PTPRM: variants seen among roughly 807,000 people sequenced by gnomAD.
The protein encoded by PTPRM is receptor-type tyrosine-protein phosphatase mu.
In PTPRM, 47 loss-of-function variants were observed where a neutral mutation model predicts 186.7. The observed-to-expected ratio is 0.25, with a 90% CI of 0.20 to 0.32. PTPRM has a LOEUF of 0.32. Among genes scored for constraint, PTPRM ranks in the 10% least tolerant of loss-of-function variants. The probability of loss-of-function intolerance (pLI) is 1.00; values close to 1 mark genes in which losing one functional copy is unlikely to be tolerated. For missense variants in PTPRM, 1,494 were observed against 1,865.0 expected, an observed-to-expected ratio of 0.80 and a Z score of 3.66; for synonymous variants, 668 against 674.9, an observed-to-expected ratio of 0.99 and a Z score of 0.16.
intron 14 of PTPRM, among the ~76,000 whole-genome samples, chr18:8,219,391 C>T (rs547446592): frequency 6.6e-6 from 1 of 151,846 alleles, no homozygotes; most frequent in Non-Finnish European, 1.5e-5. Context: ...GGCGTGAACC[C>T]AGGAGGCAGA....
chr18:8,374,487 G>A (rs781681706), intron 24 of PTPRM, among the ~76,000 whole-genome samples: 1 of 152,180 alleles, frequency 6.6e-6, no homozygotes, highest in Non-Finnish European at 1.5e-5. Context: ...AAAGCTGGGG[G>A]AGCTTTCTAG....
intron 2 of PTPRM, among the ~76,000 whole-genome samples, chr18:7,854,592 T>G (rs1446845701): frequency 2.6e-5 from 4 of 152,242 alleles, no homozygotes; most frequent in African/African-American, 9.6e-5. Context: ...AACCTTAAAA[T>G]ACTATTTAAA....
intron 10 of PTPRM, among the ~76,000 whole-genome samples, chr18:8,086,162 A>G (rs541295920): frequency 3.3e-5 from 5 of 152,250 alleles, no homozygotes; most frequent in East Asian, 1.9e-4. Context: ...CCCCTTGTCA[A>G]TCCCAAGTTG....
At chr18:7,661,843 T>G (rs1055809010) in intron 1 of PTPRM, among the ~76,000 whole-genome samples, 6 of 152,212 alleles carry the variant, frequency 3.9e-5, no homozygotes, top group South Asian at 2.1e-4. Context: ...AAGACTGCAG[T>G]AAGCCTGAAT....
intron 22 of PTPRM, among the ~76,000 whole-genome samples, chr18:8,330,765 G>T (rs2095407990): frequency 6.6e-6 from 1 of 151,784 alleles, no homozygotes. Flanking sequence ...CGACACTGAT[G>T]AATGCTCTGT....
At chr18:7,900,254 A>G (rs970505484) in intron 3 of PTPRM, among the ~76,000 whole-genome samples, 4 of 152,252 alleles carry the variant, frequency 2.6e-5, no homozygotes, top group Non-Finnish European at 5.9e-5. Flanking sequence ...CTTTGTTCCA[A>G]TAAAACTTTA....
intron 23 of PTPRM, among the ~76,000 whole-genome samples, chr18:8,345,176 A>G (rs1186207851): frequency 6.6e-6 from 1 of 152,240 alleles, no homozygotes; most frequent in African/African-American, 2.4e-5. Flanking sequence ...ATTAGAAAAG[A>G]AGAAATACCA....
intron 1 of PTPRM, among the ~76,000 whole-genome samples, chr18:7,626,864 T>A (rs938311683): frequency 2.6e-5 from 4 of 152,166 alleles, no homozygotes; most frequent in Non-Finnish European, 4.4e-5. Flanking sequence ...GTAAACATTT[T>A]AAAAATTTAA....
chr18:7,715,903 G>A (rs2040318678), intron 1 of PTPRM, among the ~76,000 whole-genome samples: 1 of 152,188 alleles, frequency 6.6e-6, no homozygotes. Flanking sequence ...TGGATAAGAA[G>A]AAGAACCAAT....
chr18:7,873,234 A>G (rs1441155898), intron 2 of PTPRM, among the ~76,000 whole-genome samples: 14 of 152,296 alleles, frequency 9.2e-5, no homozygotes, highest in Non-Finnish European at 1.8e-4. Context: ...TTTACTTTTT[A>G]AGACTTATAA....
At chr18:7,671,283 C>G (rs1258137054) in intron 1 of PTPRM, among the ~76,000 whole-genome samples, 1 of 152,146 alleles carries the variant, frequency 6.6e-6, no homozygotes, top group Non-Finnish European at 1.5e-5. Flanking sequence ...TTTAAAAATG[C>G]TTGACGGAAT....
At chr18:7,813,279 G>T (rs529465991) in intron 2 of PTPRM, among the ~76,000 whole-genome samples, 1 of 152,200 alleles carries the variant, frequency 6.6e-6, no homozygotes, top group Admixed American at 6.5e-5. Context: ...GTAGATTAAC[G>T]TTAGTGTGTT....
intron 1 of PTPRM, among the ~76,000 whole-genome samples, chr18:7,647,976 T>C (rs2038604596): frequency 1.3e-5 from 2 of 152,216 alleles, no homozygotes; most frequent in Non-Finnish European, 2.9e-5. Flanking sequence ...TTCATAGATA[T>C]ACTTTTTTAC....
chr18:8,398,769 C>CAA (rs199873195), intron 32 of PTPRM, among the ~76,000 whole-genome samples: 3,342 of 83,952 alleles, frequency 0.04, 65 homozygotes, highest in African/African-American at 0.058. Context: ...GACTCCTTCT[C>CAA]AAAAAAAAAA....
chr18:8,225,140 C>G (rs1162552878), intron 14 of PTPRM, among the ~76,000 whole-genome samples: 2 of 152,154 alleles, frequency 1.3e-5, no homozygotes, highest in African/African-American at 4.8e-5. Context: ...GTGTCATTCT[C>G]TACTCACCTG....
intron 31 of PTPRM, among the ~76,000 whole-genome samples, chr18:8,394,013 C>T (rs915811715): frequency 6.6e-6 from 1 of 152,116 alleles, no homozygotes; most frequent in Non-Finnish European, 1.5e-5. Context: ...AGGAAGGTCT[C>T]GATCTCCTGA....
chr18:7,717,717 A>G (rs552974590), intron 1 of PTPRM, among the ~76,000 whole-genome samples: 9 of 152,178 alleles, frequency 5.9e-5, no homozygotes, highest in Admixed American at 2.0e-4. Flanking sequence ...GTGGCAGGCA[A>G]TCCTGCCTGG....
intron 2 of PTPRM, among the ~76,000 whole-genome samples, chr18:7,881,000 A>G (rs2048478765): frequency 6.6e-6 from 1 of 152,230 alleles, no homozygotes; most frequent in African/African-American, 2.4e-5. Flanking sequence ...GAGTTAGAAT[A>G]GAAAATGTAC....
chr18:8,394,108 A>C (rs552311828), intron 31 of PTPRM, among the ~76,000 whole-genome samples: 58 of 152,240 alleles, frequency 3.8e-4, no homozygotes, highest in African/African-American at 1.3e-3. Flanking sequence ...GGATGTTTTT[A>C]AAGGCCAGAT....
Sources: allele counts gnomAD v4.1 joint callset (sites outside exome capture counted in the v4.1 genomes callset), GRCh38; gene constraint gnomAD v4.1.1; transcripts MANE v1.5; gene names NCBI Gene and HGNC (gene_info 2026-07-23, HGNC 2026-07-21).